Variants in MUC7 observed in about 807,000 individuals in gnomAD.
The protein encoded by MUC7 is mucin-7.
MUC7 carries 2 observed loss-of-function variants against 2.5 expected under a neutral mutation model. The ratio of observed to expected loss-of-function variants is 0.81; its 90% confidence interval spans 0.33 to 2.55. MUC7 has a LOEUF of 2.55. Ranked by LOEUF, MUC7 falls within the 30% of genes most tolerant of loss-of-function variation. The pLI is 0.11. For synonymous variants in MUC7, 133 were observed against 173.4 expected (o/e 0.77, Z 1.83); for missense variants, 408 against 455.6 (o/e 0.90, Z 0.95).
chr4:70,476,849 A>G (rs992665055), intron 2 of MUC7, among the ~76,000 whole-genome samples: 2 of 152,188 alleles, frequency 1.3e-5, no homozygotes, highest in Admixed American at 1.3e-4. Flanking sequence ...ACCCACAGCC[A>G]GAAAAGGTCA....
intron 1 of MUC7, among the ~76,000 whole-genome samples, chr4:70,451,086 G>T (rs1734268674): frequency 6.6e-6 from 1 of 152,148 alleles, no homozygotes; most frequent in Non-Finnish European, 1.5e-5. Flanking sequence ...GAGTGCTGTA[G>T]CCCTCAGTGG....
intron 1 of MUC7, among the ~76,000 whole-genome samples, chr4:70,435,370 A>C (rs1303412521): frequency 6.6e-6 from 1 of 152,216 alleles, no homozygotes; most frequent in African/African-American, 2.4e-5. Flanking sequence ...AACTTGCTTT[A>C]TGAATCTGGA....
At chr4:70,447,806 T>C (rs1044837727) in intron 1 of MUC7, among the ~76,000 whole-genome samples, 3 of 152,180 alleles carry the variant, frequency 2.0e-5, no homozygotes, top group South Asian at 2.1e-4. Flanking sequence ...CTATACTCTT[T>C]CAGTTATTTT....
intron 1 of MUC7, among the ~76,000 whole-genome samples, chr4:70,462,502 A>G (rs1156910846): frequency 6.6e-6 from 1 of 152,248 alleles, no homozygotes; most frequent in Non-Finnish European, 1.5e-5. Context: ...ATTATGAAGT[A>G]TATGAAAGTA....
At chr4:70,463,328 A>T (rs1734603378) in intron 1 of MUC7, among the ~76,000 whole-genome samples, 1 of 152,218 alleles carries the variant, frequency 6.6e-6, no homozygotes, top group Non-Finnish European at 1.5e-5. Context: ...TGGAAAATCC[A>T]TTGGGGCTGG....
chr4:70,461,009 G>A (rs1191872905), intron 1 of MUC7, among the ~76,000 whole-genome samples: 1 of 152,168 alleles, frequency 6.6e-6, no homozygotes, highest in Non-Finnish European at 1.5e-5. Context: ...TAGTCAGATT[G>A]TTTCCGTGCA....
chr4:70,476,177 G>A (rs1419128579), intron 2 of MUC7, among the ~76,000 whole-genome samples: 4 of 151,572 alleles, frequency 2.6e-5, no homozygotes, highest in Non-Finnish European at 5.9e-5. Context: ...ATTATGACAA[G>A]ATTATTGTAA....
In MUC7 at chr4:70,481,050, C is replaced by A. The variant is rs778025502; in HGVS notation, c.306C>A (p.Asn102Lys). ...CAGATAAAAATAGCAGTGTGGTCAA[C>A]CCTACCTTAGTGGCTACAACCCAAA... The part of the protein sequence containing the change: ...KHPDKNSSVV[N>K]PTLVATTQIP... The change falls in exon 3 of 3, where the codon AAC becomes AAA. Residue 102 changes from asparagine (N) to lysine (K), a missense_variant. By Grantham distance (94) the Asn-to-Lys change is moderately conservative. This residue lies in a region of MUC7 where 225 missense variants were observed against 240.5 expected (regional missense o/e 0.94). Transcript: ENST00000304887. The A allele has an allele frequency of 1.4e-5, 22 of 1,614,024 alleles. No homozygotes were observed. The highest frequency in any genetic ancestry group is 1.2e-4 in the African/African-American group (9 of 74,942).
chr4:70,474,622 A>T (rs1182012077), intron 2 of MUC7, among the ~76,000 whole-genome samples: 2 of 152,220 alleles, frequency 1.3e-5, no homozygotes, highest in African/African-American at 4.8e-5. Context: ...TGTTTCATTT[A>T]TCCAATATCT....
At chr4:70,438,156 T>A (rs1278130611) in intron 1 of MUC7, among the ~76,000 whole-genome samples, 1 of 152,178 alleles carries the variant, frequency 6.6e-6, no homozygotes, top group Non-Finnish European at 1.5e-5. Flanking sequence ...AAGAGTATCA[T>A]TTTGATCTTA....
chr4:70,464,986 T>A (rs1487982176), intron 1 of MUC7, among the ~76,000 whole-genome samples: 1 of 152,126 alleles, frequency 6.6e-6, no homozygotes, highest in Non-Finnish European at 1.5e-5. Context: ...GGCAGACACC[T>A]CATTTAGGAG....
In MUC7 at chr4:70,455,747, G is replaced by A. The variant is rs143302021; in HGVS notation, c.-92-16468G>A. On this transcript the variant is annotated intron_variant, in intron 1 of 3. Coordinates refer to the MUC7 transcript ENST00000413702. ...GAATCAAAAGGTGTATGTGGAACTC[G>A]AGCTTTACGAAAAGATGTCACACGC... 4.2e-3 allele frequency among the ~76,000 whole-genome samples: 644 copies of A among 152,138 alleles called. 9 individuals carry two copies. The highest frequency in any genetic ancestry group is 0.015 in the African/African-American group (623 of 41,498).
At chr4:70,453,780 TAACCAGC>T (rs1001714514) in intron 1 of MUC7, among the ~76,000 whole-genome samples, 4 of 152,216 alleles carry the variant, frequency 2.6e-5, no homozygotes, top group African/African-American at 9.6e-5. Flanking sequence ...ACAGCAGAAA[TAACCAGC>T]AGCAATATGG....
At chr4:70,468,042 C>T (rs1048765233), upstream of MUC7, among the ~76,000 whole-genome samples, 2 of 152,102 alleles carry the variant, frequency 1.3e-5, no homozygotes, top group African/African-American at 2.4e-5. Flanking sequence ...AGCAGCACAT[C>T]AAAAGGCTTA....
At chr4:70,461,506 T>C (rs1376396893) in intron 1 of MUC7, among the ~76,000 whole-genome samples, 2 of 152,196 alleles carry the variant, frequency 1.3e-5, no homozygotes, top group Non-Finnish European at 2.9e-5. Context: ...TTGCTATGAG[T>C]ATCCACTGAT....
chr4:70,471,030 G>A (rs116392302), upstream of MUC7, among the ~76,000 whole-genome samples: 689 of 152,278 alleles, frequency 4.5e-3, 7 homozygotes, highest in African/African-American at 0.016. Flanking sequence ...ACTAAGTGGA[G>A]AAGCAAGGAA....
intron 1 of MUC7, among the ~76,000 whole-genome samples, chr4:70,435,428 G>A (rs1733801927): frequency 6.6e-6 from 1 of 152,188 alleles, no homozygotes; most frequent in Admixed American, 6.5e-5. Context: ...AGCTCTTCTT[G>A]TTGAATTGAT....
intron 1 of MUC7, among the ~76,000 whole-genome samples, chr4:70,458,141 G>A (rs1349338603): frequency 6.6e-6 from 1 of 151,790 alleles, no homozygotes; most frequent in African/African-American, 2.4e-5. Context: ...ACTAAATTAA[G>A]CTTATTCTGG....
chr4:70,431,159 A>G (rs1447912829), intron 1 of MUC7, among the ~76,000 whole-genome samples: 1 of 152,186 alleles, frequency 6.6e-6, no homozygotes, highest in Non-Finnish European at 1.5e-5. Flanking sequence ...CCAGGGGGAA[A>G]AACAGCTTTG....
Sources: gnomAD v4.1 joint callset for allele counts (sites outside exome capture counted in the v4.1 genomes callset) on GRCh38, gnomAD v4.1.1 for gene constraint, gnomAD v4.1.1 regional missense constraint, MANE v1.5 for transcripts, NCBI Gene and HGNC (gene_info 2026-07-23, HGNC 2026-07-21) for gene names.